Variants in CPNE4 observed in about 807,000 individuals in gnomAD.
CPNE4 encodes copine-4.
A neutral mutation model predicts 67.9 loss-of-function variants in CPNE4; 25 were observed. The observed-to-expected ratio is 0.37, with a 90% CI of 0.27 to 0.51. The LOEUF (loss-of-function observed/expected upper bound fraction) is 0.51. CPNE4 is among the 20% of genes least tolerant of loss of function. CPNE4 has a pLI of 0.93. For missense variants in CPNE4, 464 were observed against 690.8 expected (o/e 0.67, Z 3.68); for synonymous variants, 242 against 244.9 (o/e 0.99, Z 0.11).
At chr3:131,609,563 A>G (rs1165829044) in intron 7 of CPNE4, among the ~76,000 whole-genome samples, 1 of 152,174 alleles carries the variant, frequency 6.6e-6, no homozygotes, top group Non-Finnish European at 1.5e-5. Context: ...ACTGCCCAAG[A>G]AAAACTTGAT....
At chr3:131,619,072 G>C (rs1053593410) in intron 7 of CPNE4, among the ~76,000 whole-genome samples, 1 of 152,162 alleles carries the variant, frequency 6.6e-6, no homozygotes, top group Non-Finnish European at 1.5e-5. Flanking sequence ...CAGAGAGCTT[G>C]CAAGGGAGCA....
chr3:131,676,623 A>G (rs554171109), intron 6 of CPNE4, among the ~76,000 whole-genome samples: 21 of 152,276 alleles, frequency 1.4e-4, no homozygotes, highest in African/African-American at 3.4e-4. Flanking sequence ...TATAAGTGAG[A>G]ACATGCTGTA....
intron 2 of CPNE4, among the ~76,000 whole-genome samples, chr3:131,867,152 T>C (rs2086985908): frequency 6.6e-6 from 1 of 152,110 alleles, no homozygotes; most frequent in Non-Finnish European, 1.5e-5. Flanking sequence ...TAAAAGAAGT[T>C]AAAGGTTACA....
chr3:131,978,779 C>G (rs557908161), intron 1 of CPNE4, among the ~76,000 whole-genome samples: 2 of 150,606 alleles, frequency 1.3e-5, no homozygotes, highest in South Asian at 2.1e-4. Context: ...TGAGGTATGA[C>G]CTTACAGTGT....
At chr3:131,801,407 C>CCATATATAT (rs2084111656) in intron 2 of CPNE4, among the ~76,000 whole-genome samples, 1 of 46,958 alleles carries the variant, frequency 2.1e-5, no homozygotes, top group African/African-American at 6.9e-5. Context: ...TATATAGGTA[C>CCATATATAT]ATATATACGT....
intron 5 of CPNE4, among the ~76,000 whole-genome samples, chr3:131,687,750 G>A (rs901465999): frequency 2.0e-5 from 3 of 152,200 alleles, no homozygotes; most frequent in African/African-American, 7.2e-5. Context: ...TATAAGGACA[G>A]ATAGAACCTG....
chr3:131,712,646 C>CT (rs1211042229), intron 3 of CPNE4, among the ~76,000 whole-genome samples: 2 of 152,142 alleles, frequency 1.3e-5, no homozygotes, highest in African/African-American at 4.8e-5. Flanking sequence ...CGTGAATTGG[C>CT]TTTTTGGTTA....
At chr3:131,644,333 G>A (rs1242840462) in intron 7 of CPNE4, among the ~76,000 whole-genome samples, 1 of 151,878 alleles carries the variant, frequency 6.6e-6, no homozygotes, top group African/African-American at 2.4e-5. Flanking sequence ...ATTTTTATTG[G>A]AGACAGGGTT....
chr3:131,693,535 T>A (rs962778999), intron 5 of CPNE4, among the ~76,000 whole-genome samples: 1 of 152,182 alleles, frequency 6.6e-6, no homozygotes, highest in Non-Finnish European at 1.5e-5. Flanking sequence ...AATCCTTATA[T>A]TTGTGCTGTA....
At chr3:131,697,518 A>G (rs1463907637) in intron 4 of CPNE4, among the ~76,000 whole-genome samples, 3 of 152,190 alleles carry the variant, frequency 2.0e-5, no homozygotes, top group African/African-American at 7.2e-5. Context: ...TTCAATAGTC[A>G]CTGGTAATAT....
intron 2 of CPNE4, among the ~76,000 whole-genome samples, chr3:131,725,838 C>A (rs1243479041): frequency 6.6e-6 from 1 of 152,158 alleles, no homozygotes; most frequent in African/African-American, 2.4e-5. Context: ...TTCATGGCAA[C>A]AATTGGAGAC....
chr3:132,001,572 A>AAAG (rs1404235827), intron 1 of CPNE4, among the ~76,000 whole-genome samples: 1 of 147,986 alleles, frequency 6.8e-6, no homozygotes, highest in Non-Finnish European at 1.5e-5. Flanking sequence ...AGAAAGAAAG[A>AAAG]AAGAAAGAAA....
intron 1 of CPNE4, among the ~76,000 whole-genome samples, chr3:131,997,097 T>C (rs1403203460): frequency 1.3e-5 from 2 of 152,260 alleles, no homozygotes; most frequent in East Asian, 1.9e-4. Flanking sequence ...CTCTCCACCA[T>C]AGTTTTGATA....
At chr3:131,568,653 A>C (rs1172307073) in intron 10 of CPNE4, among the ~76,000 whole-genome samples, 1 of 148,790 alleles carries the variant, frequency 6.7e-6, no homozygotes, top group Non-Finnish European at 1.5e-5. Flanking sequence ...GCAGCTTTGC[A>C]AACCTTGTAA....
intron 3 of CPNE4, among the ~76,000 whole-genome samples, chr3:131,717,918 C>CT (rs879932656): frequency 1.3e-4 from 17 of 134,266 alleles, no homozygotes; most frequent in South Asian, 2.4e-4. Context: ...TTCTTTCTTT[C>CT]TTTCTTTCTT....
chr3:131,881,923 A>C (rs967588011), intron 2 of CPNE4, among the ~76,000 whole-genome samples: 1 of 152,178 alleles, frequency 6.6e-6, no homozygotes, highest in African/African-American at 2.4e-5. Flanking sequence ...TCTGCACACA[A>C]AGATTTCTCC....
chr3:131,754,698 A>T (rs770498038), intron 2 of CPNE4, among the ~76,000 whole-genome samples: 6 of 152,176 alleles, frequency 3.9e-5, no homozygotes, highest in Non-Finnish European at 7.4e-5. Context: ...AAAAGAGTAT[A>T]GTTGAAGTTG....
chr3:131,908,240 A>T lies in CPNE4; in HGVS notation c.-1-2796T>A, dbSNP rs562538097. ...AAATACAGAAAATGCACAGATTATAAGTCTATAGCTTCATAAACCATTTTC... is the reference window on the plus strand; with the variant it reads ...AAATACAGAAAATGCACAGATTATATGTCTATAGCTTCATAAACCATTTTC... On this transcript the variant is annotated intron_variant, in intron 1 of 15. Coordinates refer to ENST00000429747, the MANE Select transcript of CPNE4 (RefSeq NM_130808.3). 9.2e-5 allele frequency among the ~76,000 whole-genome samples: 14 copies of T among 152,278 alleles called. No individual in the cohort carries two copies. In the South Asian group the frequency reaches 2.5e-3, roughly 27 times the overall value.
At chr3:131,566,766 C>T (rs949802652) in intron 10 of CPNE4, among the ~76,000 whole-genome samples, 1 of 151,916 alleles carries the variant, frequency 6.6e-6, no homozygotes, top group Non-Finnish European at 1.5e-5. Context: ...ATAATGGCAC[C>T]TTGCACAGGT....
Sources: gnomAD v4.1 joint callset for allele counts (sites outside exome capture counted in the v4.1 genomes callset) on GRCh38, gnomAD v4.1.1 for gene constraint, MANE v1.5 for transcripts, NCBI Gene and HGNC (gene_info 2026-07-23, HGNC 2026-07-21) for gene names.